The following TMEM150C variants were observed in gnomAD, a reference collection of about 807,000 sequenced individuals.
The protein encoded by TMEM150C is transmembrane protein 150C, also known as tentonin 3.
TMEM150C carries 10 observed loss-of-function variants against 29.9 expected under a neutral mutation model. That is an observed-to-expected ratio of 0.33 (90% CI 0.21 to 0.57). The LOEUF (loss-of-function observed/expected upper bound fraction) is 0.57. Among genes scored for constraint, TMEM150C ranks in the 20% least tolerant of loss-of-function variants. The pLI, the probability that TMEM150C is intolerant of heterozygous loss-of-function variation, is 0.88. For synonymous variants in TMEM150C, 101 were observed against 112.5 expected, an observed-to-expected ratio of 0.90 and a Z score of 0.64; for missense variants, 251 against 303.6, an observed-to-expected ratio of 0.83 and a Z score of 1.29.
In TMEM150C at chr4:82,561,893, G is replaced by A; in HGVS notation, c.-11+13C>T. ...GCGACGGGCCCAGGCAGGGGAGGGG[G>A]CGCCGCGCCTACCTGCTCTGGTGCG... On this transcript the variant is annotated intron_variant, in intron 1 of 7. Coordinates refer to ENST00000449862, the MANE Select transcript of TMEM150C (RefSeq NM_001080506.3). 2 of 992,578 alleles carry A rather than the reference G, an allele frequency of 2.0e-6. No individual in the cohort carries two copies. Among genetic ancestry groups the A allele is most frequent in the Non-Finnish European group, 2.4e-6 (2 of 834,478 alleles). The allele number at this position is 992,578 out of a possible 1,614,324, so 61.5% of individuals were successfully genotyped here.
intron 1 of TMEM150C, among the ~76,000 whole-genome samples, chr4:82,560,472 G>A (rs960285355): frequency 2.0e-5 from 3 of 152,096 alleles, no homozygotes; most frequent in Non-Finnish European, 4.4e-5. Context: ...AAATTCCTAC[G>A]CTTATGCCTT....
intron 1 of TMEM150C, among the ~76,000 whole-genome samples, chr4:82,560,646 T>G (rs1725890245): frequency 6.6e-6 from 1 of 152,222 alleles, no homozygotes. Context: ...TAACAATTTT[T>G]CCTTGAAATA....
intron 1 of TMEM150C, among the ~76,000 whole-genome samples, chr4:82,518,045 G>A (rs1014777130): frequency 2.0e-5 from 3 of 152,200 alleles, no homozygotes; most frequent in Non-Finnish European, 4.4e-5. Flanking sequence ...GCTGGGCATG[G>A]TAGCTCATGT....
chr4:82,507,972 T>C (rs571588880), intron 1 of TMEM150C, among the ~76,000 whole-genome samples: 1 of 152,066 alleles, frequency 6.6e-6, no homozygotes, highest in South Asian at 2.1e-4. Flanking sequence ...AGTCTAGAAC[T>C]CCTGAGCTCA....
At chr4:82,487,350 G>A (rs1421264775) in intron 7 of TMEM150C, among the ~76,000 whole-genome samples, 2 of 152,220 alleles carry the variant, frequency 1.3e-5, no homozygotes, top group African/African-American at 4.8e-5. Flanking sequence ...TCTCTAGGCT[G>A]AGATGGGAGG....
chr4:82,485,472 CTG>C lies in TMEM150C; in HGVS notation c.*37_*38del. 1.3e-6 allele frequency: 2 copies of C among 1,526,028 alleles called. No homozygotes were observed. Among genetic ancestry groups the C allele is most frequent in the Non-Finnish European group, 1.8e-6 (2 of 1,121,138 alleles). The allele number at this position is 1,526,028 out of a possible 1,614,324, so 94.5% of individuals were successfully genotyped here. ...GTGTGTCCTACTGGCCCCTCCCCCACTGTCACACCCACCTCACCAGCAAGGAA... is the reference window on the plus strand; with the variant it reads ...GTGTGTCCTACTGGCCCCTCCCCCACTCACACCCACCTCACCAGCAAGGAA... On this transcript the variant is annotated 3_prime_UTR_variant, in exon 8 of 8. Coordinates refer to ENST00000449862, the MANE Select transcript of TMEM150C (RefSeq NM_001080506.3).
At chr4:82,522,166 C>T (rs191428976) in intron 1 of TMEM150C, among the ~76,000 whole-genome samples, 3 of 152,146 alleles carry the variant, frequency 2.0e-5, no homozygotes, top group African/African-American at 7.2e-5. Flanking sequence ...GAAGAACTAC[C>T]ACCCCCATAT....
intron 1 of TMEM150C, among the ~76,000 whole-genome samples, chr4:82,530,088 C>T (rs1047595407): frequency 7.2e-6 from 1 of 138,274 alleles, no homozygotes; most frequent in Admixed American, 6.8e-5. Flanking sequence ...CTTTCAATCT[C>T]TCTCTCTCTC....
intron 1 of TMEM150C, among the ~76,000 whole-genome samples, chr4:82,521,430 G>A (rs1353643959): frequency 6.6e-6 from 1 of 152,190 alleles, no homozygotes; most frequent in Admixed American, 6.5e-5. Flanking sequence ...AACAAAAGCA[G>A]AAGCCTTGGC....
chr4:82,500,884 C>T (rs1018061541), intron 5 of TMEM150C, among the ~76,000 whole-genome samples: 2 of 152,160 alleles, frequency 1.3e-5, no homozygotes, highest in Non-Finnish European at 2.9e-5. Context: ...ATATTTCAGG[C>T]TTGAGTATCA....
chr4:82,511,968 T>C (rs562024092), intron 1 of TMEM150C, among the ~76,000 whole-genome samples: 1 of 152,334 alleles, frequency 6.6e-6, no homozygotes, highest in South Asian at 2.1e-4. Flanking sequence ...TCTTAGCTAA[T>C]AGAAGTCTAA....
chr4:82,561,033 A>AC (rs761877535), intron 1 of TMEM150C, among the ~76,000 whole-genome samples: 4 of 152,316 alleles, frequency 2.6e-5, no homozygotes, highest in Non-Finnish European at 4.4e-5. Context: ...AATAAACCTG[A>AC]CCAAAAAGAT....
At chr4:82,523,224 G>A (rs1176234055) in intron 1 of TMEM150C, among the ~76,000 whole-genome samples, 2 of 152,146 alleles carry the variant, frequency 1.3e-5, no homozygotes, top group Non-Finnish European at 2.9e-5. Flanking sequence ...CACAGCCAGA[G>A]GGATGGGGGC....
At chr4:82,533,255 G>C (rs571591072) in intron 1 of TMEM150C, among the ~76,000 whole-genome samples, 3 of 152,280 alleles carry the variant, frequency 2.0e-5, no homozygotes, top group African/African-American at 7.2e-5. Context: ...ATATTTGTAT[G>C]AGAGCCATGA....
intron 1 of TMEM150C, among the ~76,000 whole-genome samples, chr4:82,508,011 T>A (rs1175246155): frequency 6.6e-6 from 1 of 152,040 alleles, no homozygotes; most frequent in African/African-American, 2.4e-5. Context: ...GCCACTGCCA[T>A]GGGCAAATTA....
intron 1 of TMEM150C, among the ~76,000 whole-genome samples, chr4:82,548,227 T>G (rs1450011892): frequency 6.6e-6 from 1 of 152,128 alleles, no homozygotes; most frequent in Non-Finnish European, 1.5e-5. Context: ...AACTATTGGG[T>G]ACTATGCTCA....
chr4:82,502,646 G>T (rs1324025674), intron 5 of TMEM150C, 81 bp downstream of exon 5: 1 of 1,375,848 alleles, frequency 7.3e-7, no homozygotes, highest in Non-Finnish European at 1.0e-6. Context: ...GCCCCCCATT[G>T]TTTTGACAAG....
rs1219059899 is a variant in TMEM150C at position 82,507,719 on chromosome 4, CTCTCTCTCTTTTTTTTTTTTTTTTT to C, written c.-10-3077_-10-3053del. Among the ~76,000 whole-genome samples, 4 of 68,282 alleles carry C rather than the reference CTCTCTCTCTTTTTTTTTTTTTTTTT, an allele frequency of 5.9e-5. 1 individual carries two copies. Among genetic ancestry groups the C allele is most frequent in the African/African-American group, 2.6e-4 (4 of 15,254 alleles). 44.8% of individuals were successfully genotyped at this position (68,282 alleles called of 152,430 possible). ...ACAATATATTAAATTAACTCTCTCTCTCTCTCTCTTTTTTTTTTTTTTTTTTTTTTTTTTTTTTTTTTTTTTTGAG... is the reference window on the plus strand; with the variant it reads ...ACAATATATTAAATTAACTCTCTCTCTTTTTTTTTTTTTTTTTTTTTTGAG... On this transcript the variant is annotated intron_variant, in intron 1 of 7. Coordinates refer to ENST00000449862, the MANE Select transcript of TMEM150C (RefSeq NM_001080506.3).
chr4:82,513,420 G>A (rs1452032755), intron 1 of TMEM150C, among the ~76,000 whole-genome samples: 1 of 151,980 alleles, frequency 6.6e-6, no homozygotes, highest in Non-Finnish European at 1.5e-5. Context: ...TAATGGGTAT[G>A]GAGTTTCAGT....
Sources: gnomAD v4.1 joint callset for allele counts (sites outside exome capture counted in the v4.1 genomes callset) on GRCh38, gnomAD v4.1.1 for gene constraint, MANE v1.5 for transcripts, NCBI Gene and HGNC (gene_info 2026-07-23, HGNC 2026-07-21) for gene names.